The following SEMA5A variants were observed in gnomAD, a reference collection of about 807,000 sequenced individuals.
SEMA5A encodes the protein semaphorin-5A.
A neutral mutation model predicts 135.5 loss-of-function variants in SEMA5A; 55 were observed. The ratio of observed to expected loss-of-function variants is 0.41; its 90% CI spans 0.33 to 0.51. The LOEUF (loss-of-function observed/expected upper bound fraction) is 0.51. Among genes scored for constraint, SEMA5A ranks in the 20% least tolerant of loss-of-function variants. SEMA5A has a pLI of 0.37. For missense variants in SEMA5A, 1,290 were observed against 1,419.9 expected (o/e 0.91, Z 1.47); for synonymous variants, 580 against 546.5 (o/e 1.06, Z -0.85).
intron 3 of SEMA5A, among the ~76,000 whole-genome samples, chr5:9,370,207 C>T (rs1755077317): frequency 1.3e-5 from 2 of 152,194 alleles, no homozygotes; most frequent in African/African-American, 4.8e-5. Flanking sequence ...AGAATGACAA[C>T]CGTTAATCAC....
intron 2 of SEMA5A, among the ~76,000 whole-genome samples, chr5:9,428,160 CTAT>C (rs1258662861): frequency 3.0e-5 from 4 of 132,866 alleles, no homozygotes; most frequent in Admixed American, 7.3e-5. Context: ...ATCTATCTAT[CTAT>C]CTATCCATCC....
intron 16 of SEMA5A, among the ~76,000 whole-genome samples, chr5:9,083,340 AT>A (rs1738494201): frequency 6.6e-6 from 1 of 151,826 alleles, no homozygotes; most frequent in Admixed American, 6.5e-5. Context: ...ACTATGGGAA[AT>A]TAATTATGTT....
intron 3 of SEMA5A, among the ~76,000 whole-genome samples, chr5:9,358,952 A>AG (rs3836916): frequency 0.34 from 50,969 of 151,926 alleles, 9,371 homozygotes; most frequent in African/African-American, 0.49. Flanking sequence ...ACTGGTTCAG[A>AG]CCCTCTTGCA....
At chr5:9,360,258 G>A (rs1754633934) in intron 3 of SEMA5A, among the ~76,000 whole-genome samples, 1 of 152,180 alleles carries the variant, frequency 6.6e-6, no homozygotes. Flanking sequence ...TCTCCAGAGG[G>A]ATGGGATTTG....
intron 10 of SEMA5A, among the ~76,000 whole-genome samples, chr5:9,196,667 A>G (rs763447072): frequency 6.6e-6 from 1 of 152,150 alleles, no homozygotes; most frequent in African/African-American, 2.4e-5. Flanking sequence ...CAGTTTTGTG[A>G]TAACAGATGA....
intron 14 of SEMA5A, among the ~76,000 whole-genome samples, chr5:9,122,185 T>A (rs1740847787): frequency 6.6e-6 from 1 of 152,152 alleles, no homozygotes; most frequent in Non-Finnish European, 1.5e-5. Flanking sequence ...CAATAGGTTA[T>A]CTTATTTAAA....
At chr5:9,218,934 T>C (rs1746779842) in intron 8 of SEMA5A, among the ~76,000 whole-genome samples, 1 of 152,184 alleles carries the variant, frequency 6.6e-6, no homozygotes, top group African/African-American at 2.4e-5. Context: ...CTTTGGGGAG[T>C]TCACAGTAGC....
intron 16 of SEMA5A, among the ~76,000 whole-genome samples, chr5:9,067,735 T>C (rs1737554264): frequency 6.6e-6 from 1 of 152,226 alleles, no homozygotes; most frequent in South Asian, 2.1e-4. Flanking sequence ...AGAAATATTC[T>C]TGATTACTTC....
intron 3 of SEMA5A, among the ~76,000 whole-genome samples, chr5:9,373,119 C>G (rs535462195): frequency 6.6e-6 from 1 of 152,130 alleles, no homozygotes; most frequent in African/African-American, 2.4e-5. Flanking sequence ...TGAGTGAATA[C>G]GAGAAAGAGC....
chr5:9,466,978 G>A (rs1328476387), intron 1 of SEMA5A, among the ~76,000 whole-genome samples: 1 of 152,230 alleles, frequency 6.6e-6, no homozygotes, highest in Non-Finnish European at 1.5e-5. Context: ...TTCTTAGTGA[G>A]CATCAAAAGG....
At chr5:9,532,988 C>G (rs1420133272) in intron 1 of SEMA5A, among the ~76,000 whole-genome samples, 1 of 152,214 alleles carries the variant, frequency 6.6e-6, no homozygotes. Flanking sequence ...TGTCAAGCAC[C>G]TAATTCCAAA....
intron 12 of SEMA5A, 50 bp downstream of exon 12, chr5:9,154,438 T>A: frequency 6.3e-7 from 1 of 1,577,284 alleles, no homozygotes. Flanking sequence ...TCTCTCTGGG[T>A]GGGCCCTTCA....
In SEMA5A at chr5:9,204,340, C is replaced by T. The variant is rs898209703; in HGVS notation, c.647-2100G>A. 2.6e-5 allele frequency among the ~76,000 whole-genome samples: 4 copies of T among 152,292 alleles called. No homozygotes were observed. Among genetic ancestry groups the T allele is most frequent in the African/African-American group, 9.6e-5 (4 of 41,562 alleles). On this transcript the variant is annotated intron_variant, in intron 8 of 22. Coordinates refer to ENST00000382496, the MANE Select transcript of SEMA5A (RefSeq NM_003966.3). This position sits in a 1 kb window ranked among gnomAD's most constrained non-coding sequence, Gnocchi z 6.4. The stretch of plus-strand genomic sequence containing the variant: ...GGTCCACCAAAACTTATCAAATACA[C>T]TCACTATTACCCACTTCTGCTATTA...
intron 3 of SEMA5A, among the ~76,000 whole-genome samples, chr5:9,354,361 C>T (rs914271053): frequency 6.6e-6 from 1 of 152,178 alleles, no homozygotes; most frequent in Non-Finnish European, 1.5e-5. Context: ...ATGTCACAGT[C>T]TCATTTCTAA....
intron 4 of SEMA5A, among the ~76,000 whole-genome samples, chr5:9,321,535 C>G (rs1257254232): frequency 1.3e-5 from 2 of 152,180 alleles, no homozygotes; most frequent in Non-Finnish European, 2.9e-5. Flanking sequence ...TCTTTCTATG[C>G]CTTAGTCTTT....
chr5:9,203,630 A>C (rs1217679702), intron 8 of SEMA5A, among the ~76,000 whole-genome samples: 1 of 152,200 alleles, frequency 6.6e-6, no homozygotes, highest in African/African-American at 2.4e-5. Context: ...AAAATGTTTT[A>C]ATTTAATCCA....
intron 11 of SEMA5A, among the ~76,000 whole-genome samples, chr5:9,187,650 A>G (rs1417505296): frequency 1.3e-5 from 2 of 152,218 alleles, no homozygotes; most frequent in Non-Finnish European, 2.9e-5. Flanking sequence ...TGTGATTCAA[A>G]TTAACAGTAT....
chr5:9,176,632 C>A (rs999830728), intron 11 of SEMA5A, among the ~76,000 whole-genome samples: 1 of 152,218 alleles, frequency 6.6e-6, no homozygotes, highest in Non-Finnish European at 1.5e-5. Flanking sequence ...GTGTGTGAAG[C>A]CCAGGGTCCC....
intron 16 of SEMA5A, among the ~76,000 whole-genome samples, chr5:9,104,356 G>A (rs1216912964): frequency 2.0e-5 from 3 of 152,076 alleles, no homozygotes; most frequent in African/African-American, 7.2e-5. Flanking sequence ...AGGATTTCAG[G>A]CAATCATTAA....
Sources: gnomAD v4.1 joint callset for allele counts (sites outside exome capture counted in the v4.1 genomes callset) on GRCh38, gnomAD v4.1.1 for gene constraint, Gnocchi (gnomAD v3.1) non-coding constraint, MANE v1.5 for transcripts, NCBI Gene and HGNC (gene_info 2026-07-23, HGNC 2026-07-21) for gene names.